Variants in MARK3 observed in about 807,000 individuals in gnomAD.
The protein encoded by MARK3 is MAP/microtubule affinity-regulating kinase 3.
Under a neutral mutation model 90.1 loss-of-function variants are expected in MARK3, and 46 were observed. That is an observed-to-expected ratio of 0.51 (90% CI 0.40 to 0.65). The LOEUF is 0.65. Among genes scored for constraint, MARK3 ranks in the 30% least tolerant of loss-of-function variants. The pLI is 0.00. For synonymous variants in MARK3, 321 were observed against 332.6 expected, an observed-to-expected ratio of 0.97 and a Z score of 0.38; for missense variants, 818 against 947.2, an observed-to-expected ratio of 0.86 and a Z score of 1.79.
At chr14:103,393,752 C>T (rs74550150) in intron 1 of MARK3, among the ~76,000 whole-genome samples, 2,360 of 138,356 alleles carry the variant, frequency 0.017, 127 homozygotes, top group East Asian at 0.092. Context: ...GATTGTTCTG[C>T]ATTTTATTAC....
At chr14:103,487,759 A>G (rs2093954437) in intron 14 of MARK3, among the ~76,000 whole-genome samples, 1 of 152,102 alleles carries the variant, frequency 6.6e-6, no homozygotes, top group African/African-American at 2.4e-5. Context: ...AGAAAAATAC[A>G]TTTGTGTAGC....
At chr14:103,459,777 A>G (rs2093357372) in intron 6 of MARK3, among the ~76,000 whole-genome samples, 1 of 151,444 alleles carries the variant, frequency 6.6e-6, no homozygotes, top group Non-Finnish European at 1.5e-5. Flanking sequence ...GCCTCCCAAA[A>G]TGCTGGGATT....
chr14:103,465,339 G>A (rs781588717), intron 7 of MARK3, among the ~76,000 whole-genome samples: 4 of 152,082 alleles, frequency 2.6e-5, no homozygotes, highest in Non-Finnish European at 4.4e-5. Flanking sequence ...TTAAATTAGT[G>A]CTAGAATTAA....
chr14:103,436,132 C>G (rs2141139860), intron 3 of MARK3, among the ~76,000 whole-genome samples: 1 of 152,296 alleles, frequency 6.6e-6, no homozygotes, highest in African/African-American at 2.4e-5. Flanking sequence ...CTCAAGTGAT[C>G]CACCCGCTTC....
Position 103,428,426 on chromosome 14 carries a change from A to G in MARK3, c.283A>G (p.Thr95Ala), listed in dbSNP as rs1481087433. ...AATTGACAAAACTCAGTTGAATCCAACAAGTCTACAAAAGGTAAGATTGGT... is the reference window on the plus strand; with the variant it reads ...AATTGACAAAACTCAGTTGAATCCAGCAAGTCTACAAAAGGTAAGATTGGT... Reference protein sequence around the residue: ...KIIDKTQLNPTSLQKLFREVR... With the variant: ...KIIDKTQLNPASLQKLFREVR... The change falls in exon 3 of 18, where the codon ACA (threonine) becomes GCA (alanine). Residue 95 changes from threonine to alanine, a missense_variant. Around this residue, in one of 3 missense-constraint regions of MARK3, gnomAD observed 157 missense variants for 158.7 expected, o/e 0.99. Coordinates refer to ENST00000429436, the MANE Select transcript of MARK3 (RefSeq NM_001128918.3). The G allele has an allele frequency of 6.7e-6, 10 of 1,503,464 alleles. No homozygotes were observed. The highest frequency in any genetic ancestry group is 2.4e-5 in the East Asian group (1 of 41,926). 93.1% of individuals were successfully genotyped at this position (1,503,464 alleles called of 1,614,324 possible).
intron 1 of MARK3, among the ~76,000 whole-genome samples, chr14:103,387,467 CTTATTTATTTGTTTAT>C (rs2089900383): frequency 7.3e-6 from 1 of 136,494 alleles, no homozygotes; most frequent in Admixed American, 7.5e-5. Flanking sequence ...TTAAAGAAAC[CTTATTTATTTGTTTAT>C]TTATTTATTT....
rs1024131193 is a variant in MARK3, at chr14:103,462,348, T to C, written c.484-57T>C. 33 of 1,270,172 alleles carry C rather than the reference T, an allele frequency of 2.6e-5. No homozygotes were observed. In the African/African-American group the frequency reaches 3.9e-4, roughly 15 times the overall value. 78.7% of individuals were successfully genotyped at this position (1,270,172 alleles called of 1,614,324 possible). On this transcript the variant is annotated intron_variant, in intron 6 of 17. Coordinates refer to ENST00000429436, the MANE Select transcript of MARK3 (RefSeq NM_001128918.3). ...TGTGTGAACATTAACAAAGTTATTTTCATCTTAATTACGAATCTGCACCAG... is the reference window on the plus strand; with the variant it reads ...TGTGTGAACATTAACAAAGTTATTTCCATCTTAATTACGAATCTGCACCAG...
At position 103,385,751 on chromosome 14, in the gene MARK3, C is replaced by T; in HGVS notation, c.-279C>T. Reference sequence around the variant, plus strand: ...CTGAGGCAAGGGGACGCCGGCGGGCCGAAGCGCAGCCCGCCGCCCGCAGGC... The same window carrying T: ...CTGAGGCAAGGGGACGCCGGCGGGCTGAAGCGCAGCCCGCCGCCCGCAGGC... On this transcript the variant is annotated 5_prime_UTR_variant, in exon 1 of 18. Coordinates refer to ENST00000429436, the MANE Select transcript of MARK3 (RefSeq NM_001128918.3). 1 of 361,392 alleles carries T rather than the reference C, an allele frequency of 2.8e-6. No individual in the cohort carries two copies. The highest frequency in any genetic ancestry group is 4.9e-6 in the Non-Finnish European group (1 of 202,506). The allele number at this position is 361,392 out of a possible 1,614,324, so 22.4% of individuals were successfully genotyped here. A position where few individuals can be genotyped will look rare whatever the true frequency, so the allele number is the denominator to read the frequency against.
chr14:103,469,529 A>G (rs2093585180), intron 12 of MARK3, among the ~76,000 whole-genome samples: 2 of 151,756 alleles, frequency 1.3e-5, no homozygotes, highest in Admixed American at 6.6e-5. Flanking sequence ...CTTGTTACCC[A>G]GGCTGGAGTG....
rs1468207498 is a variant in MARK3 at position 103,491,937 on chromosome 14, T to G, written c.1747T>G (p.Ser583Ala). Reference protein sequence around the residue: ...RTATYNGPPASPSLSHEATPL... With the variant: ...RTATYNGPPAAPSLSHEATPL... ...CGCAACATATAATGGCCCTCCTGCC[T>G]CTCCCAGCCTGTCCCATGAAGCCAC... Residue 583 changes from serine to alanine, a missense_variant, in exon 15 of 18, where the codon TCT becomes GCT. Physicochemically the swap from Ser to Ala is moderately conservative, Grantham distance 99. Coordinates refer to ENST00000429436, the MANE Select transcript of MARK3 (RefSeq NM_001128918.3). 4 of 1,613,920 alleles carry G rather than the reference T, an allele frequency of 2.5e-6. No homozygotes were observed. Among genetic ancestry groups the G allele is most frequent in the Non-Finnish European group, 3.4e-6 (4 of 1,180,004 alleles).
intron 15 of MARK3, among the ~76,000 whole-genome samples, chr14:103,497,757 A>T (rs2075426349): frequency 6.6e-6 from 1 of 152,156 alleles, no homozygotes; most frequent in South Asian, 2.1e-4. Context: ...AGAAGTAATG[A>T]TTTTTACTTA....
Position 103,448,316 on chromosome 14 carries a change from G to A in MARK3, c.298-603G>A, listed in dbSNP as rs201896181. Reference sequence around the variant, plus strand: ...CCCACTGGCCAAAGCAGATTACATGGCCAGGTCTAATGTCAATATGAAGGG... The same window carrying A: ...CCCACTGGCCAAAGCAGATTACATGACCAGGTCTAATGTCAATATGAAGGG... On this transcript the variant is annotated intron_variant, in intron 3 of 17. Transcript: ENST00000429436. Among the ~76,000 whole-genome samples, 3 of 152,042 alleles carry A rather than the reference G, an allele frequency of 2.0e-5. No homozygotes were observed. In the East Asian group the frequency reaches 5.8e-4, roughly 29 times the overall value.
rs1214385247 is a variant in MARK3, at chr14:103,465,557, G to A, written c.541G>A (p.Ala181Thr). Residue 181 changes from alanine (A) to threonine (T), a missense_variant and splice_region_variant, in exon 8 of 18, where the codon GCT becomes ACT. Physicochemically the swap from Ala to Thr is moderately conservative, Grantham distance 58. This residue lies in a region of MARK3 where 101 missense variants were observed against 175.1 expected (regional missense o/e 0.58). Transcript: ENST00000429436. ...TTTTGTCTTGATGTTTTCCCTCTAG[G>A]CTGAAAATCTATTGTTAGATGCCGA... ...QKRIVHRDLK[A>T]ENLLLDADMN... The A allele has an allele frequency of 6.2e-7, 1 of 1,604,174 alleles. No individual in the cohort carries two copies. Among genetic ancestry groups the A allele is most frequent in the South Asian group, 1.1e-5 (1 of 90,886 alleles).
intron 3 of MARK3, among the ~76,000 whole-genome samples, chr14:103,433,843 G>A (rs1251611250): frequency 1.3e-5 from 2 of 152,064 alleles, no homozygotes; most frequent in East Asian, 1.9e-4. Flanking sequence ...GTTTCCTGGG[G>A]CCTAATGCAG....
intron 2 of MARK3, chr14:103,412,351 G>T: frequency 1.6e-6 from 1 of 627,938 alleles, no homozygotes; most frequent in Non-Finnish European, 2.8e-6. Context: ...TGTTTTCATC[G>T]TGTGTGAGCA....
chr14:103,479,994 G>T (rs923828300), intron 13 of MARK3, among the ~76,000 whole-genome samples: 5 of 152,034 alleles, frequency 3.3e-5, no homozygotes, highest in African/African-American at 1.2e-4. Flanking sequence ...TTAAAATTAG[G>T]TTGTCAGGCC....
intron 1 of MARK3, among the ~76,000 whole-genome samples, chr14:103,394,056 T>C (rs755031940): frequency 5.9e-5 from 9 of 152,190 alleles, no homozygotes; most frequent in Non-Finnish European, 1.0e-4. Flanking sequence ...TTCTAAGATA[T>C]AGCCAAATTT....
chr14:103,419,134 A>G (rs1455485533), intron 2 of MARK3, among the ~76,000 whole-genome samples: 10 of 152,132 alleles, frequency 6.6e-5, no homozygotes, highest in Non-Finnish European at 1.2e-4. Context: ...TAAAAATACG[A>G]AAACAAAATT....
At chr14:103,396,147 T>A (rs1379172698) in intron 1 of MARK3, among the ~76,000 whole-genome samples, 1 of 118,560 alleles carries the variant, frequency 8.4e-6, no homozygotes, top group African/African-American at 3.2e-5. Flanking sequence ...ACCTCCAGTT[T>A]TTTGCCTGAG....
Sources: gnomAD v4.1 joint callset for allele counts (sites outside exome capture counted in the v4.1 genomes callset) on GRCh38, gnomAD v4.1.1 for gene constraint, gnomAD v4.1.1 regional missense constraint, MANE v1.5 for transcripts, NCBI Gene and HGNC (gene_info 2026-07-23, HGNC 2026-07-21) for gene names.